Variants in GALK1 observed in about 807,000 individuals in gnomAD.
The protein encoded by GALK1 is galactokinase.
In GALK1, 30 loss-of-function variants were observed where a neutral mutation model predicts 38.6. The ratio of observed to expected loss-of-function variants is 0.78; its 90% confidence interval spans 0.58 to 1.05. The LOEUF (loss-of-function observed/expected upper bound fraction) is 1.05, where lower values mean the gene tolerates loss of function less well. GALK1 is among the 50% of genes least tolerant of loss of function. GALK1 has a pLI of 0.00. For synonymous variants in GALK1, 240 were observed against 233.6 expected (o/e 1.03, Z -0.25); for missense variants, 512 against 540.5 (o/e 0.95, Z 0.52).
In GALK1 at chr17:75,752,536, C is replaced by T. The variant is rs376560109; in HGVS notation, c.*23-799G>A. On this transcript the variant is annotated intron_variant, in intron 8 of 8. Transcript: ENST00000225614. ...ATGTACAGCGATGACGTTCTACGCT[C>T]TCCATCGGGCAGCCAGAGGCCCAGC... 54 of 1,613,524 alleles carry T rather than the reference C, an allele frequency of 3.3e-5. No individual in the cohort carries two copies. The highest frequency in any genetic ancestry group is 5.3e-5 in the African/African-American group (4 of 74,946).
chr17:75,757,207 C>T (rs771988652), downstream of GALK1: 2 of 1,612,432 alleles, frequency 1.2e-6, no homozygotes, highest in South Asian at 2.2e-5. Context: ...CAGGACCCTT[C>T]CCGCAGCTGG....
Position 75,752,279 on chromosome 17 carries a change from C to G in GALK1, c.*23-542G>C. 3 of 1,613,404 alleles carry G rather than the reference C, an allele frequency of 1.9e-6. No individual in the cohort carries two copies. The highest frequency in any genetic ancestry group is 2.5e-6 in the Non-Finnish European group (3 of 1,180,028). On this transcript the variant is annotated intron_variant, in intron 8 of 8. Transcript: ENST00000225614. ...CAGCCCTACCGCTACACGGTGAAGG[C>G]GCGCAACGGGGCCGGCTGGGGGCCT...
downstream of GALK1, chr17:75,754,626 TC>T (rs1191224495): frequency 6.2e-7 from 1 of 1,613,952 alleles, no homozygotes; most frequent in East Asian, 2.2e-5. Flanking sequence ...CAGCACCAAC[TC>T]CCTGCACAGG....
chr17:75,762,925 C>A, intron 4 of GALK1, 40 bp from the exon 5 acceptor site: 1 of 1,606,464 alleles, frequency 6.2e-7, no homozygotes, highest in African/African-American at 1.4e-5. Context: ...CGAGGCCAAG[C>A]GTGTGCTTGC....
At chr17:75,753,676 C>T, downstream of GALK1, 1 of 875,338 alleles carries the variant, frequency 1.1e-6, no homozygotes, top group Admixed American at 4.3e-5. Context: ...GACGGGCTCC[C>T]CTCGCAGAGC....
chr17:75,757,585 C>T (rs771470354), downstream of GALK1: 27 of 1,612,844 alleles, frequency 1.7e-5, no homozygotes, highest in Non-Finnish European at 2.2e-5. Context: ...CGCCACGTCC[C>T]ACTAGGCGTC....
chr17:75,757,661 C>T, downstream of GALK1: 1 of 1,475,732 alleles, frequency 6.8e-7, no homozygotes, highest in Non-Finnish European at 9.4e-7. Context: ...GCCCAGCCCA[C>T]CCGCATGCAC....
chr17:75,757,256 G>A (rs141944501), downstream of GALK1: 35 of 1,611,710 alleles, frequency 2.2e-5, no homozygotes, highest in Admixed American at 1.2e-4. Context: ...GCTGCAAAGC[G>A]AGTACAGCAG....
downstream of GALK1, chr17:75,755,840 G>C (rs779116795): frequency 1.9e-6 from 3 of 1,604,634 alleles, no homozygotes; most frequent in South Asian, 3.3e-5. Flanking sequence ...AGTACCAGCT[G>C]CTGAACGGCG....
downstream of GALK1, chr17:75,755,158 CCCA>C: frequency 1.2e-6 from 2 of 1,611,632 alleles, no homozygotes; most frequent in Non-Finnish European, 1.7e-6. Context: ...CTTCCAGGGG[CCCA>C]CGAGACTCTA....
downstream of GALK1, chr17:75,755,208 GC>G: frequency 6.2e-7 from 1 of 1,602,612 alleles, no homozygotes; most frequent in Non-Finnish European, 8.5e-7. Context: ...CCCTCCTGGG[GC>G]CCAGGTAGTA....
At chr17:75,757,719 C>A (rs757395224), downstream of GALK1, 1 of 953,080 alleles carries the variant, frequency 1.0e-6, no homozygotes, top group Non-Finnish European at 1.6e-6. Flanking sequence ...GGGCAAGGTC[C>A]GTCCTCTGTG....
intron 8 of GALK1, chr17:75,752,464 T>C: frequency 6.2e-7 from 1 of 1,613,496 alleles, no homozygotes; most frequent in Non-Finnish European, 8.5e-7. Flanking sequence ...ATCCCTGACA[T>C]CCCTATCGTG....
At chr17:75,763,552 G>C in intron 2 of GALK1, 113 bp from the exon 3 acceptor site, 1 of 1,231,266 alleles carries the variant, frequency 8.1e-7, no homozygotes, top group South Asian at 1.3e-5. Context: ...TTTCTAGGGT[G>C]TGTGTCTCAA....
downstream of GALK1, among the ~76,000 whole-genome samples, chr17:75,753,492 C>G (rs1466557505): frequency 6.6e-6 from 1 of 152,216 alleles, no homozygotes; most frequent in Non-Finnish European, 1.5e-5. Context: ...CCCAGACTTC[C>G]CCCAGGTTTC....
chr17:75,752,390 G>A lies in GALK1; in HGVS notation c.*23-653C>T, dbSNP rs374575363. 1.8e-5 allele frequency: 29 copies of A among 1,612,618 alleles called. No individual in the cohort carries two copies. In the Middle Eastern group the frequency reaches 5.0e-4, roughly 28 times the overall value. On this transcript the variant is annotated intron_variant, in intron 8 of 8. Coordinates refer to the GALK1 transcript ENST00000225614. The stretch of plus-strand genomic sequence containing the variant: ...TGGGCAGGGAGGTGAGGGGCAGACC[G>A]GGCAGGGGGGCAGGGGGCAGCAGCC...
chr17:75,754,117 A>G, downstream of GALK1: 1 of 467,770 alleles, frequency 2.1e-6, no homozygotes, highest in Non-Finnish European at 3.7e-6. Flanking sequence ...ACAGCTGCTC[A>G]GAGGCAGGGC....
chr17:75,764,905 A>G (rs1599336784), intron 1 of GALK1, 67 bp downstream of exon 1: 11 of 1,537,756 alleles, frequency 7.2e-6, no homozygotes, highest in Non-Finnish European at 9.7e-6. Context: ...AGCGTCCCCG[A>G]GGCCCGCCCT....
At chr17:75,764,413 C>T (rs1043688950) in intron 1 of GALK1, 4 of 601,670 alleles carry the variant, frequency 6.6e-6, no homozygotes, top group South Asian at 5.5e-5. Flanking sequence ...CTCTGGACAT[C>T]CTGTACCTGT....
Sources: allele counts gnomAD v4.1 joint callset (sites outside exome capture counted in the v4.1 genomes callset), GRCh38; gene constraint gnomAD v4.1.1; transcripts MANE v1.5; gene names NCBI Gene and HGNC (gene_info 2026-07-23, HGNC 2026-07-21).